The following ANO6 variants were observed in gnomAD, a reference collection of about 807,000 sequenced individuals.
ANO6 encodes the protein anoctamin 6, also known as anoctamin-6.
ANO6 carries 106 observed loss-of-function variants against 117.5 expected under a neutral mutation model. The ratio of observed to expected loss-of-function variants is 0.90; its 90% confidence interval spans 0.77 to 1.06. The LOEUF (loss-of-function observed/expected upper bound fraction) is 1.06, where lower values mean the gene tolerates loss of function less well. Among genes scored for constraint, ANO6 ranks in the 50% least tolerant of loss-of-function variants. The probability of loss-of-function intolerance (pLI) is 0.00; values close to 1 mark genes in which losing one functional copy is unlikely to be tolerated. For synonymous variants in ANO6, 367 were observed against 385.1 expected, an observed-to-expected ratio of 0.95 and a Z score of 0.55; for missense variants, 955 against 1,121.1, an observed-to-expected ratio of 0.85 and a Z score of 2.12.
At chr12:45,418,812 T>G (rs1314073500) in intron 17 of ANO6, among the ~76,000 whole-genome samples, 1 of 152,226 alleles carries the variant, frequency 6.6e-6, no homozygotes, top group Admixed American at 6.5e-5. Context: ...TCTTATCACT[T>G]AACCTAGGAA....
intron 1 of ANO6, among the ~76,000 whole-genome samples, chr12:45,290,923 T>G (rs1298904131): frequency 6.6e-6 from 1 of 152,168 alleles, no homozygotes; most frequent in Non-Finnish European, 1.5e-5. Flanking sequence ...AATAGTGTGG[T>G]CTTGGGTACA....
chr12:45,229,042 C>T (rs1200793804), intron 1 of ANO6, among the ~76,000 whole-genome samples: 2 of 152,120 alleles, frequency 1.3e-5, no homozygotes, highest in African/African-American at 4.8e-5. Flanking sequence ...CTTCCAAGCC[C>T]CCAGCTAAGT....
Position 45,306,330 on chromosome 12 carries a change from T to C in ANO6, c.150+4237T>C, listed in dbSNP as rs536002155. Among the ~76,000 whole-genome samples the C allele has an allele frequency of 1.8e-3, 279 of 152,182 alleles. 1 individual carries two copies. The highest frequency in any genetic ancestry group is 6.1e-3 in the African/African-American group (253 of 41,542). On this transcript the variant is annotated intron_variant, in intron 2 of 19. Coordinates refer to ENST00000320560, the MANE Select transcript of ANO6 (RefSeq NM_001025356.3). ...TCTCTACGAAATTTGGAATAAATAA[T>C]AAGAAAGAATTTGGGATGGCAAAAG...
intron 2 of ANO6, among the ~76,000 whole-genome samples, chr12:45,322,787 G>T (rs1940325022): frequency 6.6e-6 from 1 of 152,122 alleles, no homozygotes; most frequent in Non-Finnish European, 1.5e-5. Flanking sequence ...ATTTTATATT[G>T]CATAACCCCA....
chr12:45,216,427 C>A, intron 1 of ANO6, 36 bp downstream of exon 1: 1 of 1,600,118 alleles, frequency 6.2e-7, no homozygotes, highest in South Asian at 1.1e-5. Flanking sequence ...ACCCGAGAGC[C>A]CGAGCCGACG....
chr12:45,337,588 TA>T (rs543057968), intron 3 of ANO6, among the ~76,000 whole-genome samples: 1 of 152,006 alleles, frequency 6.6e-6, no homozygotes, highest in Non-Finnish European at 1.5e-5. Context: ...ATATTGAGTG[TA>T]AAAAAAGTTG....
intron 10 of ANO6, among the ~76,000 whole-genome samples, chr12:45,386,730 C>T (rs938887057): frequency 1.3e-5 from 2 of 152,248 alleles, no homozygotes; most frequent in South Asian, 2.1e-4. Flanking sequence ...CTCCATCACA[C>T]CTTTCACTTA....
At chr12:45,290,943 A>G (rs1298820006) in intron 1 of ANO6, among the ~76,000 whole-genome samples, 1 of 152,226 alleles carries the variant, frequency 6.6e-6, no homozygotes, top group African/African-American at 2.4e-5. Context: ...AGATAGATAT[A>G]TAGACTAATG....
rs1943623742 is a variant in ANO6, at chr12:45,431,180, T to C, written c.*1869T>C. The C allele has an allele frequency of 1.0e-6, 1 of 985,234 alleles. No individual in the cohort carries two copies. Among genetic ancestry groups the C allele is most frequent in the Admixed American group, 6.2e-5 (1 of 16,258 alleles). 61.0% of individuals were successfully genotyped at this position (985,234 alleles called of 1,614,324 possible). On this transcript the variant is annotated 3_prime_UTR_variant, in exon 20 of 20. Coordinates refer to ENST00000320560, the MANE Select transcript of ANO6 (RefSeq NM_001025356.3). ...CAATCAGAGTTCAAGACAGGCCCCATGAAGTCTGACTGCACTGGGATGGAG... is the reference window on the plus strand; with the variant it reads ...CAATCAGAGTTCAAGACAGGCCCCACGAAGTCTGACTGCACTGGGATGGAG...
At chr12:45,314,161 GC>G (rs139522021) in intron 2 of ANO6, among the ~76,000 whole-genome samples, 314 of 152,082 alleles carry the variant, frequency 2.1e-3, no homozygotes, top group Non-Finnish European at 3.4e-3. Flanking sequence ...TGTAGTTCTC[GC>G]CCTGGCTGTG....
intron 12 of ANO6, among the ~76,000 whole-genome samples, chr12:45,392,402 C>G (rs34756223): frequency 0.08 from 12,130 of 152,276 alleles, 769 homozygotes; most frequent in African/African-American, 0.17. Context: ...TGCATCCAGA[C>G]TCCACCTCTG....
intron 1 of ANO6, among the ~76,000 whole-genome samples, chr12:45,293,176 A>G (rs571908516): frequency 5.9e-5 from 9 of 152,246 alleles, no homozygotes; most frequent in Non-Finnish European, 1.3e-4. Context: ...GAAGAGCACT[A>G]GTAACTGTAC....
intron 10 of ANO6, 43 bp from the exon 11 acceptor site, chr12:45,388,118 T>G: frequency 1.9e-6 from 3 of 1,611,476 alleles, no homozygotes; most frequent in Non-Finnish European, 2.5e-6. Context: ...GAAACATCAG[T>G]CATCATTGAA....
chr12:45,408,959 C>T (rs1441687545), intron 15 of ANO6, among the ~76,000 whole-genome samples: 1 of 152,176 alleles, frequency 6.6e-6, no homozygotes, highest in African/African-American at 2.4e-5. Flanking sequence ...GCTTAGTTTT[C>T]TCCACAGCAC....
intron 1 of ANO6, among the ~76,000 whole-genome samples, chr12:45,269,033 C>A (rs916424353): frequency 6.6e-5 from 10 of 152,178 alleles, no homozygotes; most frequent in Admixed American, 6.5e-4. Flanking sequence ...GATTTGCAGA[C>A]CCTCCAAGCT....
chr12:45,233,402 T>TA (rs1156398988), intron 1 of ANO6, among the ~76,000 whole-genome samples: 1 of 152,214 alleles, frequency 6.6e-6, no homozygotes, highest in Non-Finnish European at 1.5e-5. Context: ...CACTTGCTGT[T>TA]AAACAGTCCT....
chr12:45,419,612 C>A (rs1943305183), intron 17 of ANO6, among the ~76,000 whole-genome samples: 2 of 152,060 alleles, frequency 1.3e-5, no homozygotes, highest in African/African-American at 4.8e-5. Context: ...TCTCACTATG[C>A]CTAAACCATA....
intron 1 of ANO6, among the ~76,000 whole-genome samples, chr12:45,274,967 T>G (rs1938506617): frequency 6.6e-6 from 1 of 151,502 alleles, no homozygotes; most frequent in South Asian, 2.1e-4. Flanking sequence ...TGCTTTGTCT[T>G]CAAAACATTT....
chr12:45,409,386 AC>A lies in ANO6; in HGVS notation c.1911del (p.His637GlnfsTer9). On this transcript the variant is annotated frameshift_variant, in exon 16 of 20. Transcript: ENST00000320560. LOFTEE classifies it high-confidence loss of function. ...ATCATGAATCTAATTGGGCGATTTCACAGAGTTTCTGGATCAGAAAAGATAA... is the reference window on the plus strand; with the variant it reads ...ATCATGAATCTAATTGGGCGATTTCAAGAGTTTCTGGATCAGAAAAGATAA... ...PWIMNLIGRF[H>X]RVSGSEKITP... is the part of the protein sequence containing the mutation. 1 of 1,614,052 alleles carries A rather than the reference AC, an allele frequency of 6.2e-7. No individual in the cohort carries two copies. Among genetic ancestry groups the A allele is most frequent in the Admixed American group, 1.7e-5 (1 of 60,024 alleles).
Sources: allele counts gnomAD v4.1 joint callset (sites outside exome capture counted in the v4.1 genomes callset), GRCh38; gene constraint gnomAD v4.1.1; transcripts MANE v1.5; gene names NCBI Gene and HGNC (gene_info 2026-07-23, HGNC 2026-07-21).